The following RUNDC3B variants were observed in gnomAD, a reference collection of about 807,000 sequenced individuals.
The protein encoded by RUNDC3B is RUN domain containing 3B.
RUNDC3B carries 33 observed loss-of-function variants against 58.4 expected under a neutral mutation model. That is an observed-to-expected ratio of 0.56 (90% CI 0.43 to 0.75). The LOEUF (loss-of-function observed/expected upper bound fraction) is 0.75, where lower values mean the gene tolerates loss of function less well. RUNDC3B is among the 30% of genes least tolerant of loss of function. The pLI is 0.00. For missense variants in RUNDC3B, 501 were observed against 535.7 expected, an observed-to-expected ratio of 0.94 and a Z score of 0.64; for synonymous variants, 193 against 195.2, an observed-to-expected ratio of 0.99 and a Z score of 0.10.
intron 8 of RUNDC3B, among the ~76,000 whole-genome samples, chr7:87,786,683 G>A (rs1366365203): frequency 1.3e-5 from 2 of 151,840 alleles, no homozygotes; most frequent in Non-Finnish European, 2.9e-5. Context: ...AAATAATTAT[G>A]AAATCACTTT....
Position 87,751,369 on chromosome 7 carries a change from T to C in RUNDC3B, c.629+9790T>C, listed in dbSNP as rs190697227. Among the ~76,000 whole-genome samples, 8 of 152,310 alleles carry C rather than the reference T, an allele frequency of 5.3e-5. No homozygotes were observed. In the East Asian group the frequency reaches 1.5e-3, roughly 29 times the overall value. On this transcript the variant is annotated intron_variant, in intron 6 of 10. Transcript: ENST00000394654. ...GATTGACTTGGTGATGCGGGCTCTTTTTTTATTCCACATGAACTTTAAAGT... is the reference window on the plus strand; with the variant it reads ...GATTGACTTGGTGATGCGGGCTCTTCTTTTATTCCACATGAACTTTAAAGT...
rs201850000 is a variant in RUNDC3B at position 87,715,421 on chromosome 7, TTAATATATAATTATATTAATA to T, written c.458+4785_458+4805del. Reference sequence around the variant, plus strand: ...ATATTTAATATTTAATATAATATATTTAATATATAATTATATTAATATAATATATAATTATATTATATTAAT... The same window carrying T: ...ATATTTAATATTTAATATAATATATTTAATATATAATTATATTATATTAAT... On this transcript the variant is annotated intron_variant, in intron 4 of 10. Transcript: ENST00000394654. Among the ~76,000 whole-genome samples the T allele has an allele frequency of 5.8e-3, 745 of 128,444 alleles. 16 individuals are homozygous for T. Among genetic ancestry groups the T allele is most frequent in the East Asian group, 0.041 (202 of 4,910 alleles). The allele number at this position is 128,444 out of a possible 152,430, so 84.3% of individuals were successfully genotyped here.
At chr7:87,712,810 T>C (rs1830207032) in intron 4 of RUNDC3B, among the ~76,000 whole-genome samples, 3 of 152,092 alleles carry the variant, frequency 2.0e-5, no homozygotes, top group Admixed American at 1.3e-4. Flanking sequence ...GCGTACAATG[T>C]CATATATATG....
At chr7:87,761,895 C>T (rs1833709039) in intron 6 of RUNDC3B, among the ~76,000 whole-genome samples, 1 of 151,618 alleles carries the variant, frequency 6.6e-6, no homozygotes, top group South Asian at 2.1e-4. Context: ...TTTCCCAGTT[C>T]TTTAACTATA....
rs78418524 is a variant in RUNDC3B, at chr7:87,634,784, T to C, written c.122+5839T>C. 9.2e-3 allele frequency among the ~76,000 whole-genome samples: 1,401 copies of C among 152,338 alleles called. 15 individuals are homozygous for C. The highest frequency in any genetic ancestry group is 0.025 in the Admixed American group (382 of 15,306). On this transcript the variant is annotated intron_variant, in intron 1 of 10. Coordinates refer to ENST00000394654, the MANE Select transcript of RUNDC3B (RefSeq NM_001134405.2). ...CTAAAACTCTTTCAGTCATTTTATA[T>C]GTAGTAGAACTTTGAGTTTGAGTTT...
intron 4 of RUNDC3B, among the ~76,000 whole-genome samples, chr7:87,718,655 T>C (rs1024824722): frequency 5.3e-5 from 8 of 152,154 alleles, no homozygotes; most frequent in African/African-American, 1.9e-4. Context: ...ACAAAATGTA[T>C]GATTTATTCC....
At chr7:87,816,067 C>A in intron 9 of RUNDC3B, 74 bp from the exon 10 acceptor site, 1 of 1,051,672 alleles carries the variant, frequency 9.5e-7, no homozygotes, top group Non-Finnish European at 1.4e-6. Flanking sequence ...ATATTGAAAA[C>A]CATTAAATAA....
intron 8 of RUNDC3B, among the ~76,000 whole-genome samples, chr7:87,790,178 C>T (rs1835446709): frequency 6.6e-6 from 1 of 152,176 alleles, no homozygotes; most frequent in African/African-American, 2.4e-5. Context: ...TGGCTGAACA[C>T]AGAGAGACAC....
Position 87,762,894 on chromosome 7 carries a change from C to T in RUNDC3B, c.630-7687C>T, listed in dbSNP as rs80092821. ...AACTGGAATTAAAAAAAAACTACTC[C>T]GGCAGGCTTTGTCTTTTAACTGAAG... On this transcript the variant is annotated intron_variant, in intron 6 of 10. Coordinates refer to ENST00000394654, the MANE Select transcript of RUNDC3B (RefSeq NM_001134405.2). 6.4e-3 allele frequency among the ~76,000 whole-genome samples: 962 copies of T among 151,286 alleles called. 41 individuals are homozygous for T. The East Asian group carries it at 0.086, about 13-fold the overall frequency.
intron 3 of RUNDC3B, among the ~76,000 whole-genome samples, chr7:87,703,630 G>C (rs1341197927): frequency 2.0e-5 from 3 of 151,742 alleles, no homozygotes; most frequent in Non-Finnish European, 4.4e-5. Context: ...ATTTAAGCCA[G>C]TAAATTTCTT....
At chr7:87,749,274 T>C (rs1832824462) in intron 6 of RUNDC3B, among the ~76,000 whole-genome samples, 2 of 152,184 alleles carry the variant, frequency 1.3e-5, no homozygotes, top group Non-Finnish European at 2.9e-5. Flanking sequence ...TTTTGAAAGG[T>C]ACAATAATGG....
chr7:87,727,824 A>G (rs2130787655), intron 4 of RUNDC3B, among the ~76,000 whole-genome samples: 1 of 152,290 alleles, frequency 6.6e-6, no homozygotes, highest in East Asian at 1.9e-4. Flanking sequence ...CTGATATTTG[A>G]CAGATCAAGT....
chr7:87,826,206 G>A (rs1837796586), intron 10 of RUNDC3B, among the ~76,000 whole-genome samples: 1 of 152,078 alleles, frequency 6.6e-6, no homozygotes, highest in Non-Finnish European at 1.5e-5. Context: ...GGAACCTGGT[G>A]GGAGGTGATT....
chr7:87,777,849 G>T lies in RUNDC3B; in HGVS notation c.850G>T (p.Val284Phe), dbSNP rs377109890. The T allele has an allele frequency of 2.6e-5, 42 of 1,613,466 alleles. No individual in the cohort carries two copies. Among genetic ancestry groups the T allele is most frequent in the Non-Finnish European group, 3.3e-5 (39 of 1,179,694 alleles). Residue 284 changes from valine to phenylalanine, a missense_variant, in exon 8 of 11, where the codon GTC becomes TTC. Transcript: ENST00000394654. ...TCGAGAGAACCAACTATCTGAATCT[G>T]TCTCCCAGAATAAAATACTACTTCA... ...RLRENQLSES[V>F]SQNKILLQRI...
intron 5 of RUNDC3B, among the ~76,000 whole-genome samples, 154 bp downstream of exon 5, chr7:87,740,034 C>G (rs1832222264): frequency 6.6e-6 from 1 of 151,928 alleles, no homozygotes; most frequent in Admixed American, 6.6e-5. Context: ...AGTTTGTTTT[C>G]TAAATGAGTT....
rs548928413 is a variant in RUNDC3B, at chr7:87,821,885, T to A, written c.1225+5623T>A. Among the ~76,000 whole-genome samples, 3 of 152,244 alleles carry A rather than the reference T, an allele frequency of 2.0e-5. No individual in the cohort carries two copies. In the East Asian group the frequency reaches 5.8e-4, roughly 29 times the overall value. ...CCCTTCCTTACACCTTATACAAAAA[T>A]TAATTCAAGATGGATTAAAGACTTA... On this transcript the variant is annotated intron_variant, in intron 10 of 10. Transcript: ENST00000394654.
intron 6 of RUNDC3B, among the ~76,000 whole-genome samples, chr7:87,761,672 T>C (rs1482917604): frequency 2.0e-5 from 3 of 151,904 alleles, no homozygotes; most frequent in South Asian, 2.1e-4. Context: ...TACCACAACA[T>C]GGATAAACTT....
At chr7:87,760,696 T>C (rs1171868606) in intron 6 of RUNDC3B, among the ~76,000 whole-genome samples, 1 of 152,082 alleles carries the variant, frequency 6.6e-6, no homozygotes, top group Non-Finnish European at 1.5e-5. Flanking sequence ...CAGTGGAGTT[T>C]TGAAAAGGGT....
chr7:87,647,985 C>A (rs930019818), intron 1 of RUNDC3B, among the ~76,000 whole-genome samples: 21 of 151,936 alleles, frequency 1.4e-4, no homozygotes, highest in Non-Finnish European at 2.8e-4. Context: ...GAAATCGAGA[C>A]CATCCTGGCT....
Sources: allele counts gnomAD v4.1 joint callset (sites outside exome capture counted in the v4.1 genomes callset), GRCh38; gene constraint gnomAD v4.1.1; transcripts MANE v1.5; gene names NCBI Gene and HGNC (gene_info 2026-07-23, HGNC 2026-07-21).